The following ASTN2 variants were observed in gnomAD, a reference collection of about 807,000 sequenced individuals.
ASTN2 encodes astrotactin-2.
A neutral mutation model predicts 139.8 loss-of-function variants in ASTN2; 54 were observed. That is an observed-to-expected ratio of 0.39 (90% CI 0.31 to 0.48). ASTN2 has a LOEUF of 0.48. Among genes scored for constraint, ASTN2 ranks in the 20% least tolerant of loss-of-function variants. The pLI is 0.95. For synonymous variants in ASTN2, 756 were observed against 719.5 expected, an observed-to-expected ratio of 1.05 and a Z score of -0.81; for missense variants, 1,565 against 1,725.1, an observed-to-expected ratio of 0.91 and a Z score of 1.64.
intron 10 of ASTN2, among the ~76,000 whole-genome samples, chr9:116,887,523 A>C (rs1253362503): frequency 6.6e-6 from 1 of 152,052 alleles, no homozygotes; most frequent in African/African-American, 2.4e-5. Flanking sequence ...GTGGCCCTTC[A>C]AGAACCAGCA....
chr9:117,368,662 G>A lies in ASTN2; in HGVS notation c.442+45835C>T, dbSNP rs138476897. 9.5e-4 allele frequency among the ~76,000 whole-genome samples: 144 copies of A among 152,078 alleles called. 2 individuals carry two copies. In the East Asian group the frequency reaches 0.024, roughly 26 times the overall value. On this transcript the variant is annotated intron_variant, in intron 1 of 22. Coordinates refer to ENST00000313400, the MANE Select transcript of ASTN2 (RefSeq NM_001365068.1). ...AACTTTCTTTTTTTCTATACTATTC[G>A]TCAGAACTCCCTTAGTTTCCAGGGG...
At chr9:116,443,461 T>C (rs1352351301) in intron 20 of ASTN2, among the ~76,000 whole-genome samples, 1 of 152,152 alleles carries the variant, frequency 6.6e-6, no homozygotes, top group Non-Finnish European at 1.5e-5. Flanking sequence ...TTCCATGCTA[T>C]ATTGATGGAA....
At chr9:117,381,661 C>G (rs1564176056) in intron 1 of ASTN2, among the ~76,000 whole-genome samples, 1 of 152,146 alleles carries the variant, frequency 6.6e-6, no homozygotes, top group East Asian at 1.9e-4. Context: ...GCTTCCTGTA[C>G]AGCCTGCAGA....
chr9:116,562,818 C>T (rs1255161902), intron 19 of ASTN2, among the ~76,000 whole-genome samples: 1 of 149,560 alleles, frequency 6.7e-6, no homozygotes, highest in African/African-American at 2.5e-5. Context: ...GATGAAGAGG[C>T]ACTGATTAAG....
intron 1 of ASTN2, among the ~76,000 whole-genome samples, chr9:117,319,669 C>T (rs1346497141): frequency 4.0e-5 from 6 of 151,722 alleles, no homozygotes; most frequent in African/African-American, 1.5e-4. Context: ...CTCCTGGCCT[C>T]AAGTGATCCA....
intron 10 of ASTN2, among the ~76,000 whole-genome samples, chr9:116,896,737 G>A (rs1048683266): frequency 2.6e-5 from 4 of 152,186 alleles, no homozygotes; most frequent in African/African-American, 4.8e-5. Context: ...TCACATGGTG[G>A]CAGGTAAGAG....
intron 2 of ASTN2, among the ~76,000 whole-genome samples, chr9:117,286,008 A>T (rs1471149168): frequency 2.0e-5 from 3 of 152,242 alleles, no homozygotes; most frequent in Non-Finnish European, 4.4e-5. Flanking sequence ...ATTGGTCTCA[A>T]ACAGTTTCTA....
intron 22 of ASTN2, among the ~76,000 whole-genome samples, chr9:116,430,297 A>C (rs1216835917): frequency 1.3e-5 from 2 of 152,230 alleles, no homozygotes; most frequent in African/African-American, 4.8e-5. Context: ...GAACACCTTG[A>C]GTAGTAACAA....
At chr9:117,275,174 A>G (rs1554714641) in intron 2 of ASTN2, among the ~76,000 whole-genome samples, 1 of 152,090 alleles carries the variant, frequency 6.6e-6, no homozygotes, top group Non-Finnish European at 1.5e-5. Flanking sequence ...TTTAGCATCC[A>G]TTTTTTCTAT....
At chr9:116,787,313 C>T (rs1264245289) in intron 13 of ASTN2, among the ~76,000 whole-genome samples, 2 of 152,198 alleles carry the variant, frequency 1.3e-5, no homozygotes, top group Admixed American at 6.5e-5. Context: ...TAGAAACTTG[C>T]AATTGTAAAT....
At chr9:116,783,522 T>G (rs2132209184) in intron 13 of ASTN2, among the ~76,000 whole-genome samples, 1 of 152,318 alleles carries the variant, frequency 6.6e-6, no homozygotes, top group Admixed American at 6.5e-5. Flanking sequence ...TATGCATCTG[T>G]TGCTTTAAAC....
intron 4 of ASTN2, among the ~76,000 whole-genome samples, chr9:117,097,439 C>T (rs1828867984): frequency 1.3e-5 from 2 of 152,010 alleles, no homozygotes; most frequent in Non-Finnish European, 2.9e-5. Context: ...GAAGAAATAA[C>T]CAGGAGAGAG....
intron 4 of ASTN2, among the ~76,000 whole-genome samples, chr9:117,139,611 C>T (rs1219367366): frequency 6.6e-6 from 1 of 152,174 alleles, no homozygotes; most frequent in African/African-American, 2.4e-5. Context: ...AATTAGACAT[C>T]CTCTCAACAG....
intron 19 of ASTN2, chr9:116,545,977 C>T (rs749099655): frequency 6.6e-6 from 1 of 152,188 alleles, no homozygotes; most frequent in Non-Finnish European, 1.5e-5. Context: ...AGTGGGATAT[C>T]AGACTCAAGG....
chr9:116,867,986 T>C (rs937182333), intron 10 of ASTN2, among the ~76,000 whole-genome samples: 1 of 152,150 alleles, frequency 6.6e-6, no homozygotes. Context: ...CTGTGGGATC[T>C]TAGAGCTGCC....
chr9:117,135,552 G>T (rs553259317), intron 4 of ASTN2, among the ~76,000 whole-genome samples: 1 of 152,118 alleles, frequency 6.6e-6, no homozygotes, highest in Non-Finnish European at 1.5e-5. Flanking sequence ...TCCCTGTTAG[G>T]CATTCATTCT....
At chr9:116,503,605 A>T (rs1849981772) in intron 19 of ASTN2, among the ~76,000 whole-genome samples, 1 of 152,186 alleles carries the variant, frequency 6.6e-6, no homozygotes, top group Non-Finnish European at 1.5e-5. Flanking sequence ...CAAGCTTCTA[A>T]TTCATACCTA....
At chr9:116,537,489 G>A (rs1453545173) in intron 19 of ASTN2, among the ~76,000 whole-genome samples, 1 of 152,214 alleles carries the variant, frequency 6.6e-6, no homozygotes, top group Admixed American at 6.5e-5. Context: ...ACAGTGATAT[G>A]TGTAATGATG....
intron 20 of ASTN2, among the ~76,000 whole-genome samples, chr9:116,448,577 C>T (rs1018804520): frequency 6.6e-6 from 1 of 152,184 alleles, no homozygotes; most frequent in African/African-American, 2.4e-5. Context: ...TGGCAAACAG[C>T]ATGGACTTAC....
Sources: gnomAD v4.1 joint callset for allele counts (sites outside exome capture counted in the v4.1 genomes callset) on GRCh38, gnomAD v4.1.1 for gene constraint, MANE v1.5 for transcripts, NCBI Gene and HGNC (gene_info 2026-07-23, HGNC 2026-07-21) for gene names.